ERI3: variants seen among roughly 807,000 people sequenced by gnomAD.
ERI3 encodes the protein ERI1 exoribonuclease 3.
In ERI3, 18 loss-of-function variants were observed where a neutral mutation model predicts 44.4. That is an observed-to-expected ratio of 0.41 (90% CI 0.28 to 0.60). The LOEUF (loss-of-function observed/expected upper bound fraction) is 0.60. ERI3 is among the 20% of genes least tolerant of loss of function. ERI3 has a pLI of 0.36. For missense variants in ERI3, 294 were observed against 435.5 expected (o/e 0.68, Z 2.89); for synonymous variants, 183 against 164.8 (o/e 1.11, Z -0.84).
At chr1:44,287,376 G>A (rs1317332348) in intron 6 of ERI3, among the ~76,000 whole-genome samples, 2 of 152,216 alleles carry the variant, frequency 1.3e-5, no homozygotes, top group Non-Finnish European at 2.9e-5. Flanking sequence ...AAGGCAGTCC[G>A]GCCTTCCCTC....
intron 7 of ERI3, among the ~76,000 whole-genome samples, chr1:44,267,262 C>T (rs572798312): frequency 3.3e-5 from 5 of 152,254 alleles, no homozygotes; most frequent in African/African-American, 1.2e-4. Flanking sequence ...AGATCTGGGG[C>T]TTATTTCCTA....
intron 6 of ERI3, among the ~76,000 whole-genome samples, chr1:44,303,112 C>T (rs977349696): frequency 3.3e-5 from 5 of 152,206 alleles, no homozygotes. Flanking sequence ...GTTCTGGAGG[C>T]ACAAATCTCT....
chr1:44,350,227 C>T (rs971219367), intron 2 of ERI3, among the ~76,000 whole-genome samples: 1 of 152,014 alleles, frequency 6.6e-6, no homozygotes, highest in African/African-American at 2.4e-5. Context: ...CCGTTTATTC[C>T]ATACTTCATT....
intron 3 of ERI3, among the ~76,000 whole-genome samples, chr1:44,336,850 G>C (rs1242785667): frequency 1.3e-5 from 2 of 152,174 alleles, no homozygotes; most frequent in African/African-American, 4.8e-5. Flanking sequence ...ACATCATCAG[G>C]GTTCATTGAT....
At chr1:44,299,344 G>C (rs560060117) in intron 6 of ERI3, among the ~76,000 whole-genome samples, 31 of 152,002 alleles carry the variant, frequency 2.0e-4, no homozygotes, top group African/African-American at 6.5e-4. Flanking sequence ...CACCACACCA[G>C]GTTATTTTTT....
intron 2 of ERI3, among the ~76,000 whole-genome samples, chr1:44,347,453 A>T (rs770625357): frequency 6.6e-6 from 1 of 152,122 alleles, no homozygotes; most frequent in Non-Finnish European, 1.5e-5. Flanking sequence ...AAGTACCCAA[A>T]TGTGACGTTT....
intron 7 of ERI3, among the ~76,000 whole-genome samples, chr1:44,253,235 C>A (rs1443038187): frequency 1.3e-5 from 2 of 152,210 alleles, no homozygotes; most frequent in Admixed American, 1.3e-4. Flanking sequence ...CCCAGCAGCC[C>A]ATGCCTCATA....
intron 5 of ERI3, among the ~76,000 whole-genome samples, chr1:44,312,639 AC>A (rs1319886315): frequency 3.3e-5 from 5 of 152,228 alleles, no homozygotes; most frequent in Non-Finnish European, 5.9e-5. Flanking sequence ...CAGCCTCTGC[AC>A]CCGACAGGCA....
At chr1:44,322,697 G>C (rs1646228382) in intron 3 of ERI3, 1 of 1,534,386 alleles carries the variant, frequency 6.5e-7, no homozygotes. Flanking sequence ...AATTAGAGCA[G>C]CAAGGACCTC....
chr1:44,237,855 A>G (rs1033345256), intron 8 of ERI3, among the ~76,000 whole-genome samples: 1 of 152,116 alleles, frequency 6.6e-6, no homozygotes, highest in Non-Finnish European at 1.5e-5. Context: ...CACGGTCTGC[A>G]TGCCCACGTG....
chr1:44,323,207 T>A (rs1371867465), intron 3 of ERI3, among the ~76,000 whole-genome samples: 1 of 152,242 alleles, frequency 6.6e-6, no homozygotes, highest in African/African-American at 2.4e-5. Context: ...TTAAACTACC[T>A]GAGTGCCTAC....
chr1:44,333,188 C>G (rs1302823946), intron 3 of ERI3, among the ~76,000 whole-genome samples: 1 of 152,238 alleles, frequency 6.6e-6, no homozygotes, highest in Admixed American at 6.5e-5. Context: ...CTACACACGC[C>G]AGATGAGGCT....
At chr1:44,222,975 A>C (rs1167821938) in intron 8 of ERI3, among the ~76,000 whole-genome samples, 1 of 152,260 alleles carries the variant, frequency 6.6e-6, no homozygotes, top group Admixed American at 6.5e-5. Flanking sequence ...AGGAGGGCAC[A>C]GTCTCTGATC....
chr1:44,263,935 C>G (rs527446047), intron 7 of ERI3, among the ~76,000 whole-genome samples: 1 of 152,308 alleles, frequency 6.6e-6, no homozygotes, highest in Admixed American at 6.5e-5. Flanking sequence ...GTCTGGGGAT[C>G]AGGTAGGAGG....
intron 2 of ERI3, among the ~76,000 whole-genome samples, chr1:44,351,879 T>C (rs917159603): frequency 2.6e-5 from 4 of 152,214 alleles, no homozygotes; most frequent in East Asian, 3.8e-4. Flanking sequence ...TTTAATTCTA[T>C]GTGAGGAGGT....
rs371468904 is a variant in ERI3, at chr1:44,291,196, G to A, written c.759-6289C>T. Among the ~76,000 whole-genome samples, 165 of 152,266 alleles carry A rather than the reference G, an allele frequency of 1.1e-3. 2 individuals are homozygous for A. The South Asian group carries it at 0.015, about 14-fold the overall frequency. On this transcript the variant is annotated intron_variant, in intron 6 of 8. Coordinates refer to ENST00000372257, the MANE Select transcript of ERI3 (RefSeq NM_024066.3). ...TCAGCTCTGAACTACCACATTGAGC[G>A]GAGGAGGGTAGAGAGAAGGCAGACT...
intron 6 of ERI3, among the ~76,000 whole-genome samples, chr1:44,295,461 G>A (rs1212122175): frequency 6.6e-6 from 1 of 152,132 alleles, no homozygotes; most frequent in Non-Finnish European, 1.5e-5. Flanking sequence ...AGTCCCCATA[G>A]TCCCCAGCAC....
chr1:44,309,943 T>C (rs1645918669), intron 5 of ERI3, among the ~76,000 whole-genome samples: 1 of 152,018 alleles, frequency 6.6e-6, no homozygotes, highest in Non-Finnish European at 1.5e-5. Context: ...ATTCCAACCC[T>C]CCAACCCTTG....
chr1:44,270,196 G>C (rs1022695415), intron 7 of ERI3, among the ~76,000 whole-genome samples: 2 of 152,154 alleles, frequency 1.3e-5, no homozygotes, highest in African/African-American at 4.8e-5. Flanking sequence ...GGACAAGGCA[G>C]ACTAACTTTA....
Sources: gnomAD v4.1 joint callset for allele counts (sites outside exome capture counted in the v4.1 genomes callset) on GRCh38, gnomAD v4.1.1 for gene constraint, MANE v1.5 for transcripts, NCBI Gene and HGNC (gene_info 2026-07-23, HGNC 2026-07-21) for gene names.